Variants in RBFOX1 observed in about 807,000 individuals in gnomAD.
RBFOX1 encodes the protein RNA binding fox-1 homolog 1, also known as RNA binding protein fox-1 homolog 1.
A neutral mutation model predicts 57.7 loss-of-function variants in RBFOX1; 8 were observed. The ratio of observed to expected loss-of-function variants is 0.14; its 90% CI spans 0.08 to 0.25. The LOEUF (loss-of-function observed/expected upper bound fraction) is 0.25, where lower values mean the gene tolerates loss of function less well. Ranked by LOEUF, RBFOX1 falls within the 10% of genes least tolerant of loss-of-function variation. The pLI, the probability that RBFOX1 is intolerant of heterozygous loss-of-function variation, is 1.00. For synonymous variants in RBFOX1, 326 were observed against 222.4 expected, an observed-to-expected ratio of 1.47 and a Z score of -4.15; for missense variants, 611 against 548.5, an observed-to-expected ratio of 1.11 and a Z score of -1.14.
At chr16:7,590,006 C>G (rs541500758) in intron 7 of RBFOX1, among the ~76,000 whole-genome samples, 2 of 150,262 alleles carry the variant, frequency 1.3e-5, no homozygotes, top group Non-Finnish European at 3.0e-5. Context: ...TGTCTCATAC[C>G]TAACATTCTA....
chr16:6,197,065 A>G (rs1299845846), intron 1 of RBFOX1, among the ~76,000 whole-genome samples: 1 of 152,210 alleles, frequency 6.6e-6, no homozygotes, highest in African/African-American at 2.4e-5. Context: ...TTAGTTAAAA[A>G]TGTCCACCTA....
At chr16:5,544,151 A>G (rs1249252124) in intron 2 of RBFOX1, among the ~76,000 whole-genome samples, 1 of 152,152 alleles carries the variant, frequency 6.6e-6, no homozygotes, top group Admixed American at 6.5e-5. Context: ...CCCAAATTTT[A>G]TTTGGTAAAA....
At chr16:7,176,886 G>T (rs2081776308) in intron 4 of RBFOX1, among the ~76,000 whole-genome samples, 1 of 152,074 alleles carries the variant, frequency 6.6e-6, no homozygotes, top group Non-Finnish European at 1.5e-5. Context: ...TGGGGGGAGA[G>T]GAAAATTTTT....
intron 15 of RBFOX1, chr16:7,710,067 G>C (rs1598707103): frequency 1.0e-6 from 1 of 1,000,038 alleles, no homozygotes; most frequent in Non-Finnish European, 1.2e-6. Context: ...TAGAAATTCA[G>C]CCATGATTTG....
At chr16:6,901,298 G>C (rs1423976148) in intron 3 of RBFOX1, among the ~76,000 whole-genome samples, 1 of 152,162 alleles carries the variant, frequency 6.6e-6, no homozygotes, top group East Asian at 1.9e-4. Context: ...CCCTCTCCGT[G>C]GGCTCATTTT....
intron 3 of RBFOX1, among the ~76,000 whole-genome samples, chr16:5,688,536 G>T (rs1035401044): frequency 6.6e-6 from 1 of 152,160 alleles, no homozygotes; most frequent in Non-Finnish European, 1.5e-5. Flanking sequence ...GATGTCCAGT[G>T]ATGTTCCCTT....
chr16:5,849,666 G>A (rs1375999964), intron 3 of RBFOX1, among the ~76,000 whole-genome samples: 4 of 152,220 alleles, frequency 2.6e-5, no homozygotes, highest in Admixed American at 1.3e-4. Flanking sequence ...CTCCTGTTGC[G>A]TGGCCCCCTC....
chr16:7,606,156 C>T (rs2095277768), intron 9 of RBFOX1, among the ~76,000 whole-genome samples: 1 of 138,908 alleles, frequency 7.2e-6, no homozygotes, highest in African/African-American at 2.7e-5. Flanking sequence ...GAGTCTCACA[C>T]TGTCACCTGG....
rs138734148 is a variant in RBFOX1, at chr16:6,145,460, A to G, written c.-127+125468A>G. On this transcript the variant is annotated intron_variant, in intron 1 of 15. Transcript: ENST00000550418. Reference sequence around the variant, plus strand: ...ATTGATGGGCATTTAGGTTGATTCCATGTCTTTGCTATTGTGAATAGTGCT... The same window carrying G: ...ATTGATGGGCATTTAGGTTGATTCCGTGTCTTTGCTATTGTGAATAGTGCT... 1.1e-3 allele frequency among the ~76,000 whole-genome samples: 169 copies of G among 152,076 alleles called. 1 individual carries two copies. The Middle Eastern group carries it at 0.017, about 15-fold the overall frequency.
At position 6,246,749 on chromosome 16, in the gene RBFOX1, C is replaced by T. The variant is rs77628048; in HGVS notation, c.-126-70246C>T. Among the ~76,000 whole-genome samples the T allele has an allele frequency of 3.4e-4, 52 of 152,284 alleles. No individual in the cohort carries two copies. The East Asian group carries it at 3.5e-3, about 10-fold the overall frequency. ...GCGTTTGTCCAGGCTGGTGCTGCCG[C>T]GGTCTCTATCTTGTTTCCTAAACTC... On this transcript the variant is annotated intron_variant, in intron 1 of 15. Coordinates refer to ENST00000550418, the MANE Select transcript of RBFOX1 (RefSeq NM_018723.4).
intron 3 of RBFOX1, among the ~76,000 whole-genome samples, chr16:6,680,995 T>C (rs2058566263): frequency 6.6e-6 from 1 of 152,202 alleles, no homozygotes; most frequent in Admixed American, 6.5e-5. Context: ...TTCAAATTTC[T>C]GTACTGGTCT....
At chr16:5,648,032 G>C (rs1372022458) in intron 3 of RBFOX1, among the ~76,000 whole-genome samples, 2 of 152,080 alleles carry the variant, frequency 1.3e-5, no homozygotes, top group Non-Finnish European at 2.9e-5. Context: ...ATTAATTTTT[G>C]TATTTTTGGT....
intron 3 of RBFOX1, among the ~76,000 whole-genome samples, chr16:5,649,132 CATACAT>C (rs2049145849): frequency 6.6e-6 from 1 of 151,732 alleles, no homozygotes; most frequent in East Asian, 1.9e-4. Flanking sequence ...CACATATATA[CATACAT>C]ATACATATAT....
intron 1 of RBFOX1, among the ~76,000 whole-genome samples, chr16:6,054,390 A>G (rs1473022502): frequency 6.6e-6 from 1 of 152,202 alleles, no homozygotes; most frequent in Non-Finnish European, 1.5e-5. Flanking sequence ...TTTATTAAGT[A>G]TCAACCATTG....
chr16:6,502,673 T>G (rs755099236), intron 2 of RBFOX1, among the ~76,000 whole-genome samples: 12 of 152,166 alleles, frequency 7.9e-5, no homozygotes, highest in Non-Finnish European at 8.8e-5. Flanking sequence ...TTTCTATTGT[T>G]AACTCTTTTA....
At chr16:7,340,213 G>T (rs1197752739) in intron 4 of RBFOX1, among the ~76,000 whole-genome samples, 1 of 152,182 alleles carries the variant, frequency 6.6e-6, no homozygotes, top group African/African-American at 2.4e-5. Flanking sequence ...GCAAAATCTA[G>T]GTTCTTGTTA....
At chr16:6,372,203 G>C (rs2090531647) in intron 2 of RBFOX1, among the ~76,000 whole-genome samples, 1 of 151,944 alleles carries the variant, frequency 6.6e-6, no homozygotes, top group Non-Finnish European at 1.5e-5. Flanking sequence ...ATACTCGGAT[G>C]AGAGGGTGGT....
Position 5,946,006 on chromosome 16 carries a change from C to G in RBFOX1, c.351+78671C>G, listed in dbSNP as rs540294611. On this transcript the variant is annotated intron_variant, in intron 4 of 19. Coordinates refer to the RBFOX1 transcript ENST00000641259. The surrounding 1 kb of genome is among the most constrained non-coding windows in gnomAD (Gnocchi z 4.6). ...GGAATGGAACATCCACACCGGCGTC[C>G]ACATTGGGTTTAAAAAGAGAAAAGA... is the stretch of plus-strand genomic sequence containing the variant. 1.5e-3 allele frequency among the ~76,000 whole-genome samples: 228 copies of G among 152,302 alleles called. No individual in the cohort carries two copies. The highest frequency in any genetic ancestry group is 5.2e-3 in the African/African-American group (218 of 41,550).
At chr16:5,243,396 T>C (rs184178198) in intron 1 of RBFOX1, among the ~76,000 whole-genome samples, 92 of 152,264 alleles carry the variant, frequency 6.0e-4, no homozygotes, top group African/African-American at 2.1e-3. Context: ...GGGGCTCCTG[T>C]AGAGGAGCAT....
Sources: gnomAD v4.1 joint callset for allele counts (sites outside exome capture counted in the v4.1 genomes callset) on GRCh38, gnomAD v4.1.1 for gene constraint, Gnocchi (gnomAD v3.1) non-coding constraint, MANE v1.5 for transcripts, NCBI Gene and HGNC (gene_info 2026-07-23, HGNC 2026-07-21) for gene names.